The following SPAG16 variants were observed in gnomAD, a reference collection of about 807,000 sequenced individuals.
The protein encoded by SPAG16 is sperm-associated antigen 16 protein.
SPAG16 carries 86 observed loss-of-function variants against 80.4 expected under a neutral mutation model. That is an observed-to-expected ratio of 1.07 (90% CI 0.90 to 1.28). SPAG16 has a LOEUF of 1.28. SPAG16 is among the 50% of genes most tolerant of loss of function. SPAG16 has a pLI of 0.00. For synonymous variants in SPAG16, 294 were observed against 265.9 expected, an observed-to-expected ratio of 1.11 and a Z score of -1.03; for missense variants, 870 against 765.3, an observed-to-expected ratio of 1.14 and a Z score of -1.61.
At chr2:214,060,913 T>A (rs993081932) in intron 13 of SPAG16, among the ~76,000 whole-genome samples, 3 of 152,184 alleles carry the variant, frequency 2.0e-5, no homozygotes, top group Non-Finnish European at 4.4e-5. Flanking sequence ...AAGCAATGAT[T>A]TTCAAGACAT....
At chr2:214,027,989 G>T (rs965312027) in intron 13 of SPAG16, among the ~76,000 whole-genome samples, 1 of 151,814 alleles carries the variant, frequency 6.6e-6, no homozygotes, top group Non-Finnish European at 1.5e-5. Flanking sequence ...ATATATATTT[G>T]TAAAATGAGC....
intron 9 of SPAG16, among the ~76,000 whole-genome samples, chr2:213,401,017 C>G (rs1404846754): frequency 1.3e-5 from 2 of 152,130 alleles, no homozygotes; most frequent in East Asian, 3.9e-4. Flanking sequence ...TCATGTTGCT[C>G]AGGCTGGTCA....
chr2:214,150,088 A>T (rs1446446863), intron 15 of SPAG16, among the ~76,000 whole-genome samples: 1 of 152,118 alleles, frequency 6.6e-6, no homozygotes, highest in Non-Finnish European at 1.5e-5. Flanking sequence ...AGTTGTGGCG[A>T]TAGCAAAAAC....
chr2:214,321,911 C>G (rs1247187077), intron 15 of SPAG16, among the ~76,000 whole-genome samples: 1 of 152,146 alleles, frequency 6.6e-6, no homozygotes, highest in Non-Finnish European at 1.5e-5. Flanking sequence ...TGCTATACCC[C>G]CAATCTGAAT....
chr2:214,184,880 C>A (rs557543405), intron 15 of SPAG16, among the ~76,000 whole-genome samples: 1 of 151,806 alleles, frequency 6.6e-6, no homozygotes, highest in Non-Finnish European at 1.5e-5. Flanking sequence ...AAAATAAAGT[C>A]TTCACTAAAA....
intron 12 of SPAG16, among the ~76,000 whole-genome samples, chr2:214,000,783 T>C (rs941741397): frequency 6.6e-6 from 1 of 152,244 alleles, no homozygotes; most frequent in African/African-American, 2.4e-5. Context: ...CAGAAGATAC[T>C]GAGCTTTGAA....
chr2:213,512,395 C>T (rs2075264427), intron 10 of SPAG16, among the ~76,000 whole-genome samples: 1 of 152,128 alleles, frequency 6.6e-6, no homozygotes, highest in Non-Finnish European at 1.5e-5. Flanking sequence ...GAGCCCTAAA[C>T]CTATCAGGCC....
At chr2:213,963,408 T>C (rs1334959652) in intron 12 of SPAG16, among the ~76,000 whole-genome samples, 1 of 152,174 alleles carries the variant, frequency 6.6e-6, no homozygotes. Flanking sequence ...ATTTCTACGA[T>C]TTCTACGATT....
At chr2:213,840,019 T>G (rs1318842598) in intron 10 of SPAG16, among the ~76,000 whole-genome samples, 2 of 152,190 alleles carry the variant, frequency 1.3e-5, no homozygotes, top group East Asian at 3.9e-4. Context: ...CTTTCAGCAT[T>G]CCAGCTTTAT....
intron 11 of SPAG16, among the ~76,000 whole-genome samples, chr2:213,889,729 A>G (rs900325129): frequency 7.4e-5 from 11 of 149,002 alleles, no homozygotes; most frequent in Non-Finnish European, 1.2e-4. Flanking sequence ...ATATATATAT[A>G]CATATATATA....
intron 6 of SPAG16, among the ~76,000 whole-genome samples, chr2:213,342,993 G>C (rs2064780052): frequency 6.6e-6 from 1 of 152,014 alleles, no homozygotes; most frequent in Admixed American, 6.6e-5. Flanking sequence ...GAGGTAGCTG[G>C]AACTTGCAGC....
chr2:214,326,175 G>A (rs72952044), intron 15 of SPAG16, among the ~76,000 whole-genome samples: 4,580 of 152,226 alleles, frequency 0.03, 138 homozygotes, highest in Non-Finnish European at 0.039. Flanking sequence ...GATTACCCAG[G>A]TGGGCTCTAA....
chr2:213,670,126 C>G (rs2063762848), intron 10 of SPAG16, among the ~76,000 whole-genome samples: 1 of 151,996 alleles, frequency 6.6e-6, no homozygotes, highest in Non-Finnish European at 1.5e-5. Flanking sequence ...TCCCAAGTAG[C>G]TGAGACTACA....
At chr2:213,411,524 A>G (rs532939006) in intron 9 of SPAG16, among the ~76,000 whole-genome samples, 52 of 152,216 alleles carry the variant, frequency 3.4e-4, no homozygotes, top group Non-Finnish European at 6.8e-4. Flanking sequence ...AGTTTGCGTC[A>G]TGATTAAAAC....
At chr2:213,753,275 G>C (rs1433948881) in intron 10 of SPAG16, among the ~76,000 whole-genome samples, 1 of 152,102 alleles carries the variant, frequency 6.6e-6, no homozygotes, top group East Asian at 1.9e-4. Context: ...GCCTCCCAAA[G>C]TGCTGGGATT....
intron 15 of SPAG16, among the ~76,000 whole-genome samples, chr2:214,233,341 AATAATGATGATGATGATG>A (rs1439143938): frequency 1.2e-5 from 1 of 81,744 alleles, no homozygotes; most frequent in East Asian, 4.1e-4. Context: ...AAAAATAGAT[AATAATGATGATGATGATG>A]ATGATGATGA....
intron 10 of SPAG16, among the ~76,000 whole-genome samples, chr2:213,668,891 G>T (rs1294535441): frequency 6.6e-6 from 1 of 152,048 alleles, no homozygotes; most frequent in Admixed American, 6.6e-5. Context: ...CTCTTGATCT[G>T]CCTGCCTCGG....
intron 11 of SPAG16, among the ~76,000 whole-genome samples, chr2:213,865,427 A>T (rs909978183): frequency 6.6e-6 from 1 of 151,888 alleles, no homozygotes; most frequent in Non-Finnish European, 1.5e-5. Context: ...ACAGTTAACA[A>T]CTACAACACT....
At position 213,609,495 on chromosome 2, in the gene SPAG16, G is replaced by T. The variant is rs144956620; in HGVS notation, c.1070+119405G>T. On this transcript the variant is annotated intron_variant, in intron 10 of 15. Coordinates refer to ENST00000331683, the MANE Select transcript of SPAG16 (RefSeq NM_024532.5). ...GAATGCTATATCTTCTGGATGCTAAGTTGGTTTTCTTACATACCACAGTGA... is the reference window on the plus strand; with the variant it reads ...GAATGCTATATCTTCTGGATGCTAATTTGGTTTTCTTACATACCACAGTGA... 1.5e-3 allele frequency among the ~76,000 whole-genome samples: 227 copies of T among 152,230 alleles called. 2 individuals are homozygous for T. The highest frequency in any genetic ancestry group is 5.0e-3 in the African/African-American group (206 of 41,536).
Sources: gnomAD v4.1 joint callset for allele counts (sites outside exome capture counted in the v4.1 genomes callset) on GRCh38, gnomAD v4.1.1 for gene constraint, MANE v1.5 for transcripts, NCBI Gene and HGNC (gene_info 2026-07-23, HGNC 2026-07-21) for gene names.